The following ZNF277 variants were observed in gnomAD, a reference collection of about 807,000 sequenced individuals.
ZNF277 encodes the protein nuclear receptor-interacting factor 4.
In ZNF277, 55 loss-of-function variants were observed where a neutral mutation model predicts 60.7. The observed-to-expected ratio is 0.91, with a 90% CI of 0.73 to 1.13. The LOEUF is 1.13. Ranked by LOEUF, ZNF277 falls within the 50% of genes most tolerant of loss-of-function variation. ZNF277 has a pLI of 0.00. For missense variants in ZNF277, 510 were observed against 523.0 expected (o/e 0.98, Z 0.24); for synonymous variants, 178 against 179.3 (o/e 0.99, Z 0.06).
At chr7:112,238,378 G>T (rs905885655) in intron 1 of ZNF277, among the ~76,000 whole-genome samples, 3 of 152,200 alleles carry the variant, frequency 2.0e-5, no homozygotes, top group Non-Finnish European at 4.4e-5. Flanking sequence ...TAGCTAGGGG[G>T]AACCATCCAT....
At chr7:112,228,580 A>G (rs1822238162) in intron 1 of ZNF277, among the ~76,000 whole-genome samples, 2 of 150,652 alleles carry the variant, frequency 1.3e-5, no homozygotes, top group Non-Finnish European at 2.9e-5. Flanking sequence ...TCCTCCTAGA[A>G]AGTCACCCCG....
At chr7:112,238,611 C>A (rs1377132042) in intron 1 of ZNF277, among the ~76,000 whole-genome samples, 1 of 151,980 alleles carries the variant, frequency 6.6e-6, no homozygotes, top group Non-Finnish European at 1.5e-5. Flanking sequence ...CCACCCCAAC[C>A]CTATGCATCA....
chr7:112,319,400 C>T (rs1031486658), intron 5 of ZNF277, among the ~76,000 whole-genome samples: 27 of 151,946 alleles, frequency 1.8e-4, no homozygotes, highest in African/African-American at 6.0e-4. Flanking sequence ...TTTATTATTA[C>T]GCATCAGCAA....
intron 1 of ZNF277, among the ~76,000 whole-genome samples, chr7:112,212,166 A>C (rs1461651300): frequency 6.6e-6 from 1 of 152,256 alleles, no homozygotes; most frequent in East Asian, 1.9e-4. Flanking sequence ...AATAATAATT[A>C]CATTTTTTAA....
intron 1 of ZNF277, among the ~76,000 whole-genome samples, chr7:112,278,244 T>C (rs1791858346): frequency 6.6e-6 from 1 of 152,190 alleles, no homozygotes; most frequent in South Asian, 2.1e-4. Flanking sequence ...GACCTAATAG[T>C]AGATATTTGG....
intron 1 of ZNF277, among the ~76,000 whole-genome samples, chr7:112,222,087 T>C (rs1369900112): frequency 6.6e-6 from 1 of 152,242 alleles, no homozygotes; most frequent in African/African-American, 2.4e-5. Context: ...GCTGTTGAAT[T>C]TAGTTTGCAA....
At chr7:112,216,130 T>C (rs1265487883) in intron 1 of ZNF277, among the ~76,000 whole-genome samples, 5 of 151,982 alleles carry the variant, frequency 3.3e-5, no homozygotes, top group African/African-American at 7.2e-5. Context: ...AACCAGTTTA[T>C]GAATGACTTT....
intron 2 of ZNF277, 72 bp downstream of exon 2, chr7:112,287,146 A>G: frequency 6.5e-7 from 1 of 1,528,204 alleles, no homozygotes; most frequent in Non-Finnish European, 9.0e-7. Flanking sequence ...TAATCCTAGT[A>G]CTTTGGGAGG....
At chr7:112,331,307 G>A (rs1793225422) in intron 7 of ZNF277, among the ~76,000 whole-genome samples, 1 of 152,092 alleles carries the variant, frequency 6.6e-6, no homozygotes, top group Non-Finnish European at 1.5e-5. Flanking sequence ...TATGACAAAG[G>A]AGGGAAACTA....
At chr7:112,226,819 T>C (rs1273507020) in intron 1 of ZNF277, among the ~76,000 whole-genome samples, 1 of 152,214 alleles carries the variant, frequency 6.6e-6, no homozygotes, top group Non-Finnish European at 1.5e-5. Context: ...GGCATCTCTT[T>C]GATGTAAAAT....
At chr7:112,317,955 T>C (rs1792877454) in intron 4 of ZNF277, among the ~76,000 whole-genome samples, 1 of 152,100 alleles carries the variant, frequency 6.6e-6, no homozygotes, top group Non-Finnish European at 1.5e-5. Flanking sequence ...TAAAACCTTG[T>C]TGATTTTAAT....
rs80317272 is a variant in ZNF277, at chr7:112,274,750, A to G, written c.92-12123A>G. On this transcript the variant is annotated intron_variant, in intron 1 of 11. Transcript: ENST00000361822. ...AGTATTAACTAGACTACTATTTCCA[A>G]AGTAATACTCTGTCATATCAAATGA... Among the ~76,000 whole-genome samples, 101 of 152,308 alleles carry G rather than the reference A, an allele frequency of 6.6e-4. 1 individual carries two copies. In the East Asian group the frequency reaches 0.019, roughly 28 times the overall value.
At chr7:112,211,389 T>C (rs1821745400) in intron 1 of ZNF277, among the ~76,000 whole-genome samples, 1 of 152,202 alleles carries the variant, frequency 6.6e-6, no homozygotes, top group East Asian at 1.9e-4. Context: ...ACTGTGCTAA[T>C]TCCATTACTA....
intron 1 of ZNF277, among the ~76,000 whole-genome samples, chr7:112,216,529 C>G (rs867354072): frequency 1.9e-4 from 29 of 152,052 alleles, no homozygotes; most frequent in African/African-American, 6.8e-4. Context: ...AGGCTGGTCT[C>G]GAATTTCTGA....
chr7:112,341,540 A>G (rs1584426460), intron 11 of ZNF277, among the ~76,000 whole-genome samples: 1 of 152,360 alleles, frequency 6.6e-6, no homozygotes, highest in Non-Finnish European at 1.5e-5. Context: ...ACTCCTAGAA[A>G]TAAAATTACT....
At chr7:112,223,170 G>T (rs1822079672) in intron 1 of ZNF277, among the ~76,000 whole-genome samples, 1 of 152,194 alleles carries the variant, frequency 6.6e-6, no homozygotes, top group Non-Finnish European at 1.5e-5. Flanking sequence ...AACGTAGCAT[G>T]TCTCCCAGCT....
intron 1 of ZNF277, among the ~76,000 whole-genome samples, chr7:112,280,487 A>G (rs1791914775): frequency 6.6e-6 from 1 of 152,214 alleles, no homozygotes; most frequent in Non-Finnish European, 1.5e-5. Flanking sequence ...ACACATGTGC[A>G]AAGTGGATTT....
chr7:112,286,974 G>T lies in ZNF277; in HGVS notation c.193G>T (p.Glu65Ter). The T allele has an allele frequency of 6.2e-7, 1 of 1,612,726 alleles. No homozygotes were observed. Among genetic ancestry groups the T allele is most frequent in the Non-Finnish European group, 8.5e-7 (1 of 1,179,828 alleles). Residue 65 changes from glutamate to a stop codon, truncating the protein, a stop_gained, in exon 2 of 12, where the codon GAA (glutamate) becomes TAA (stop). Transcript: ENST00000361822. LOFTEE classifies it high-confidence loss of function. The stretch of plus-strand genomic sequence containing the variant: ...ATCTGTGCCTTGTATTTTCTGTGAA[G>T]AACATTTTCCTGTGGCTGAACAAGA... Reference protein sequence around the residue: ...SPSVPCIFCEEHFPVAEQDKL... With the variant: ...SPSVPCIFCE
At chr7:112,305,259 T>C (rs1465949308) in intron 4 of ZNF277, among the ~76,000 whole-genome samples, 2 of 152,006 alleles carry the variant, frequency 1.3e-5, no homozygotes, top group Non-Finnish European at 2.9e-5. Context: ...ATGGCTTTTT[T>C]TGAAGGGGAA....
Sources: allele counts gnomAD v4.1 joint callset (sites outside exome capture counted in the v4.1 genomes callset), GRCh38; gene constraint gnomAD v4.1.1; transcripts MANE v1.5; gene names NCBI Gene and HGNC (gene_info 2026-07-23, HGNC 2026-07-21).